Variants in ECEL1 observed in about 807,000 individuals in gnomAD.
ECEL1 encodes endothelin-converting enzyme-like 1.
A neutral mutation model predicts 101.8 loss-of-function variants in ECEL1; 87 were observed. The ratio of observed to expected loss-of-function variants is 0.85; its 90% CI spans 0.72 to 1.02. ECEL1 has a LOEUF of 1.02. ECEL1 is among the 50% of genes least tolerant of loss of function. The probability of loss-of-function intolerance (pLI) is 0.00; values close to 1 mark genes in which losing one functional copy is unlikely to be tolerated. For missense variants in ECEL1, 1,032 were observed against 1,079.2 expected (o/e 0.96, Z 0.61); for synonymous variants, 487 against 468.7 (o/e 1.04, Z -0.50).
chr2:232,482,585 A>T lies in ECEL1; in HGVS notation c.1709T>A (p.Leu570His). Residue 570 changes from leucine to histidine, a missense_variant, in exon 11 of 18, where the codon CTC (leucine) becomes CAC (histidine). Coordinates refer to ENST00000304546, the MANE Select transcript of ECEL1 (RefSeq NM_004826.4). The stretch of plus-strand genomic sequence containing the variant: ...CTTGTTGGGTAGATAGTAGGCATTG[A>T]GCGCCTGTGGGGGGAGCAGCCACCT... ...KSTWLLPPQALNAYYLPNKNQ... is the reference protein window; with the variant it reads ...KSTWLLPPQAHNAYYLPNKNQ... The T allele has an allele frequency of 6.2e-7, 1 of 1,613,202 alleles. No homozygotes were observed. Among genetic ancestry groups the T allele is most frequent in the Non-Finnish European group, 8.5e-7 (1 of 1,179,792 alleles).
Position 232,486,486 on chromosome 2 carries a change from G to C in ECEL1, c.168C>G (p.Asn56Lys). 7.1e-7 allele frequency: 1 copy of C among 1,417,956 alleles called. No homozygotes were observed. The allele number at this position is 1,417,956 out of a possible 1,614,324, so 87.8% of individuals were successfully genotyped here. ...TGARSGLPRW[N>K]RREVCLLSGL... is the part of the protein sequence containing the mutation. Reference sequence around the variant, plus strand: ...CCGACAGCAGGCACACCTCGCGCCGGTTCCAGCGCGGCAGCCCGGACCGGG... The same window carrying C: ...CCGACAGCAGGCACACCTCGCGCCGCTTCCAGCGCGGCAGCCCGGACCGGG... The change falls in exon 2 of 18, where the codon AAC becomes AAG. Residue 56 changes from asparagine (N) to lysine (K), a missense_variant. Transcript: ENST00000304546.
chr2:232,484,643 C>T, intron 5 of ECEL1, 47 bp from the exon 6 acceptor site: 1 of 1,609,602 alleles, frequency 6.2e-7, no homozygotes, highest in East Asian at 2.2e-5. Flanking sequence ...TGGCAGGGGC[C>T]ACAGAAGACA....
chr2:232,486,742 C>A lies in ECEL1; in HGVS notation c.-89G>T. ...GCCTCCTCGTGGGCCTCCGCATGGC[C>A]CTGGGGCCGCAGCTGCGGGAAGGGC... On this transcript the variant is annotated 5_prime_UTR_variant, in exon 2 of 18. Transcript: ENST00000304546. 1 of 1,300,900 alleles carries A rather than the reference C, an allele frequency of 7.7e-7. No individual in the cohort carries two copies. The highest frequency in any genetic ancestry group is 9.8e-7 in the Non-Finnish European group (1 of 1,017,160). The allele number at this position is 1,300,900 out of a possible 1,614,324, so 80.6% of individuals were successfully genotyped here.
At chr2:232,480,834 G>C in intron 15 of ECEL1, 21 bp from the exon 16 acceptor site, 2 of 1,604,064 alleles carry the variant, frequency 1.2e-6, no homozygotes, top group Non-Finnish European at 1.7e-6. Context: ...AGAGAGCATG[G>C]ACCTGCTATG....
Position 232,483,422 on chromosome 2 carries a change from C to T in ECEL1, c.1500G>A (p.Arg500=). 1 of 1,606,640 alleles carries T rather than the reference C, an allele frequency of 6.2e-7. No individual in the cohort carries two copies. Among genetic ancestry groups the T allele is most frequent in the Non-Finnish European group, 8.5e-7 (1 of 1,177,128 alleles). ...WMDAETRAAA[R]AKLQYMMVMV... is the part of the protein sequence containing the mutation. Reference sequence around the variant, plus strand: ...ACACTGGGTCCCCCCTCACCTTGGCCCGAGCAGCAGCCCTGGTCTCGGCGT... The same window carrying T: ...ACACTGGGTCCCCCCTCACCTTGGCTCGAGCAGCAGCCCTGGTCTCGGCGT... Residue 500 remains arginine (R), a synonymous_variant, in exon 8 of 18, where the codon CGG becomes CGA. Transcript: ENST00000304546.
rs771946627 is a variant in ECEL1, at chr2:232,486,147, C to T, written c.507G>A (p.Gly169=). The T allele has an allele frequency of 2.6e-6, 4 of 1,566,484 alleles. No homozygotes were observed. Among genetic ancestry groups the T allele is most frequent in the Non-Finnish European group, 3.4e-6 (4 of 1,160,958 alleles). The change falls in exon 2 of 18, where the codon GGG becomes GGA. Residue 169 remains glycine (G), a synonymous_variant. Transcript: ENST00000304546. The part of the protein sequence containing the change: ...ERLRRLLARP[G]GGPGGAAQRK... ...GCTGGGCCGCGCCGCCAGGCCCACC[C>T]CCGGGCCGCGCCAGCAGGCGCCGTA...
intron 2 of ECEL1, among the ~76,000 whole-genome samples, chr2:232,485,625 T>C (rs1480919150): frequency 6.6e-6 from 1 of 152,198 alleles, no homozygotes; most frequent in Non-Finnish European, 1.5e-5. Context: ...CCTCACTGCC[T>C]GCCAGAGGGC....
chr2:232,483,061 T>C, intron 9 of ECEL1, 44 bp downstream of exon 9: 1 of 1,612,108 alleles, frequency 6.2e-7, no homozygotes, highest in Non-Finnish European at 8.5e-7. Context: ...GTGCCGTTAG[T>C]AGAGGGGCTG....
intron 14 of ECEL1, 50 bp downstream of exon 14, chr2:232,481,455 GC>G (rs1449878976): frequency 6.4e-7 from 1 of 1,566,942 alleles, no homozygotes; most frequent in South Asian, 1.2e-5. Context: ...GATGCTCCCG[GC>G]CCGTGCCCCA....
In ECEL1 at chr2:232,486,093, G is replaced by T; in HGVS notation, c.561C>A (p.Cys187Ter). The T allele has an allele frequency of 6.3e-7, 1 of 1,596,464 alleles. No individual in the cohort carries two copies. Among genetic ancestry groups the T allele is most frequent in the South Asian group, 1.1e-5 (1 of 89,104 alleles). The stretch of plus-strand genomic sequence containing the variant: ...GTCGCTCGATCTCGCGCATGTCGAG[G>T]CACGAGCGGAAGAAGGCGCGCACCT... Reference protein sequence around the residue: ...QRKVRAFFRSCLDMREIERLG... With the variant: ...QRKVRAFFRS The change falls in exon 2 of 18, where the codon TGC becomes TGA. Residue 187 changes from cysteine (C) to a stop codon, truncating the protein, a stop_gained. Coordinates refer to ENST00000304546, the MANE Select transcript of ECEL1 (RefSeq NM_004826.4). LOFTEE classifies it high-confidence loss of function.
chr2:232,487,090 C>T (rs990104033), intron 1 of ECEL1, among the ~76,000 whole-genome samples: 1 of 152,230 alleles, frequency 6.6e-6, no homozygotes. Flanking sequence ...CGACCTGCCC[C>T]AGCCAAGGCC....
Position 232,483,398 on chromosome 2 carries a change from C to A in ECEL1, c.1506+18G>T. The A allele has an allele frequency of 6.3e-7, 1 of 1,593,288 alleles. No individual in the cohort carries two copies. The highest frequency in any genetic ancestry group is 1.1e-5 in the South Asian group (1 of 87,468). ...CAATATATATGGGACCAACCAATGA[C>A]ACTGGGTCCCCCCTCACCTTGGCCC... On this transcript the variant is annotated intron_variant, in intron 8 of 17. Transcript: ENST00000304546.
At position 232,482,482 on chromosome 2, in the gene ECEL1, G is replaced by T; in HGVS notation, c.1745-13C>A. 1 of 1,614,012 alleles carries T rather than the reference G, an allele frequency of 6.2e-7. No homozygotes were observed. The highest frequency in any genetic ancestry group is 8.5e-7 in the Non-Finnish European group (1 of 1,180,012). Reference sequence around the variant, plus strand: ...CCCGCGGGGAACACTACAAGAAGGGGGTGCTCAGTGGGAAACCCATCCACT... The same window carrying T: ...CCCGCGGGGAACACTACAAGAAGGGTGTGCTCAGTGGGAAACCCATCCACT... On this transcript the variant is annotated splice_polypyrimidine_tract_variant and intron_variant, in intron 11 of 17. Transcript: ENST00000304546.
In ECEL1 at chr2:232,485,921, A is replaced by C. The variant is rs748487680; in HGVS notation, c.733T>G (p.Phe245Val). The C allele has an allele frequency of 1.4e-5, 22 of 1,576,198 alleles. No individual in the cohort carries two copies. Among genetic ancestry groups the C allele is most frequent in the Non-Finnish European group, 1.9e-5 (22 of 1,163,232 alleles). The stretch of plus-strand genomic sequence containing the variant: ...TCGTCCAGGCTGACCGTGAGCGAGA[A>C]GAGCGCGGCGGCGCTGTACACGCCC... ...AQGVYSAAAL[F>V]SLTVSLDDRN... is the part of the protein sequence containing the mutation. The change falls in exon 2 of 18, where the codon TTC becomes GTC. Residue 245 changes from phenylalanine (F) to valine (V), a missense_variant. By Grantham distance (50) the Phe-to-Val change is conservative. Coordinates refer to ENST00000304546, the MANE Select transcript of ECEL1 (RefSeq NM_004826.4).
In ECEL1 at chr2:232,480,211, G is replaced by T. The variant is rs954234186; in HGVS notation, c.2270C>A (p.Ala757Asp). The T allele has an allele frequency of 1.2e-6, 2 of 1,614,044 alleles. No homozygotes were observed. Among genetic ancestry groups the T allele is most frequent in the Non-Finnish European group, 1.7e-6 (2 of 1,179,978 alleles). The change falls in exon 18 of 18, where the codon GCT becomes GAT. Residue 757 changes from alanine to aspartate, a missense_variant. Coordinates refer to ENST00000304546, the MANE Select transcript of ECEL1 (RefSeq NM_004826.4). ...GGGTGAGTCCTTGGGACAGTGGAAA[G>T]CCCGGCCAAACTCCTCAAACTGGGA... ...SVSQFEEFGR[A>D]FHCPKDSPMN...
chr2:232,483,925 T>G, intron 7 of ECEL1, 76 bp downstream of exon 7: 1 of 1,473,840 alleles, frequency 6.8e-7, no homozygotes, highest in Non-Finnish European at 9.2e-7. Context: ...GGGCTCCCCA[T>G]ATTAGGACCA....
intron 13 of ECEL1, 41 bp from the exon 14 acceptor site, chr2:232,481,671 G>GCCCCCCCCCCCCCCC: frequency 6.2e-7 from 1 of 1,602,224 alleles, no homozygotes; most frequent in Non-Finnish European, 8.5e-7. Context: ...CCTCACCTGA[G>GCCCCCCCCCCCCCCC]CCCCCTCCCC....
intron 14 of ECEL1, 92 bp from the exon 15 acceptor site, chr2:232,481,248 C>A: frequency 6.9e-7 from 1 of 1,451,672 alleles, no homozygotes. Context: ...CTAATTCCTA[C>A]CACCCCTCTC....
At chr2:232,480,847 C>T (rs746903286) in intron 15 of ECEL1, 34 bp from the exon 16 acceptor site, 34 of 1,586,250 alleles carry the variant, frequency 2.1e-5, no homozygotes, top group Middle Eastern at 3.3e-4. Context: ...CTGCTATGCC[C>T]GCCCACCCTG....
Sources: allele counts gnomAD v4.1 joint callset (sites outside exome capture counted in the v4.1 genomes callset), GRCh38; gene constraint gnomAD v4.1.1; transcripts MANE v1.5; gene names NCBI Gene and HGNC (gene_info 2026-07-23, HGNC 2026-07-21).